The following ZNF407 variants were observed in gnomAD, a reference collection of about 807,000 sequenced individuals.
ZNF407 encodes zinc finger protein 407.
Under a neutral mutation model 131.2 loss-of-function variants are expected in ZNF407, and 17 were observed. The observed-to-expected ratio is 0.13, with a 90% CI of 0.09 to 0.19. The LOEUF (loss-of-function observed/expected upper bound fraction) is 0.19, where lower values mean the gene tolerates loss of function less well. ZNF407 is among the 10% of genes least tolerant of loss of function. The pLI is 1.00. For missense variants in ZNF407, 2,681 were observed against 2,830.6 expected, an observed-to-expected ratio of 0.95 and a Z score of 1.20; for synonymous variants, 1,156 against 1,062.0, an observed-to-expected ratio of 1.09 and a Z score of -1.72.
chr18:74,846,846 T>G (rs1255641123), intron 4 of ZNF407, among the ~76,000 whole-genome samples: 1 of 151,596 alleles, frequency 6.6e-6, no homozygotes, highest in Admixed American at 6.6e-5. Flanking sequence ...GTAGAAAAAT[T>G]AGCTGGGTGT....
chr18:74,824,900 G>A (rs1173858339), intron 4 of ZNF407, among the ~76,000 whole-genome samples: 1 of 152,128 alleles, frequency 6.6e-6, no homozygotes, highest in Non-Finnish European at 1.5e-5. Flanking sequence ...ACCTGTCAGA[G>A]ACACAACAAC....
chr18:74,728,171 G>A (rs1323317675), intron 3 of ZNF407, among the ~76,000 whole-genome samples: 1 of 152,140 alleles, frequency 6.6e-6, no homozygotes, highest in Non-Finnish European at 1.5e-5. Context: ...CAATGGGGAT[G>A]GAAAGAGAAT....
At chr18:74,947,809 AAC>A (rs1375757061) in intron 8 of ZNF407, among the ~76,000 whole-genome samples, 1 of 152,200 alleles carries the variant, frequency 6.6e-6, no homozygotes, top group Admixed American at 6.5e-5. Context: ...TCTTTCAAAG[AAC>A]AGTGGGCTTT....
chr18:74,966,789 G>T (rs776539505), intron 8 of ZNF407, among the ~76,000 whole-genome samples: 2 of 151,642 alleles, frequency 1.3e-5, no homozygotes, highest in Non-Finnish European at 2.9e-5. Context: ...TCCAATCCAT[G>T]AATGTGGAAT....
At chr18:74,862,757 C>T (rs960400441) in intron 4 of ZNF407, among the ~76,000 whole-genome samples, 1 of 152,004 alleles carries the variant, frequency 6.6e-6, no homozygotes, top group African/African-American at 2.4e-5. Context: ...GCTTTGCTTC[C>T]CTTTTTGCCA....
intron 3 of ZNF407, among the ~76,000 whole-genome samples, chr18:74,695,322 G>C (rs1967325121): frequency 6.6e-6 from 1 of 152,224 alleles, no homozygotes; most frequent in East Asian, 1.9e-4. Flanking sequence ...TTCTTGATGG[G>C]GTGCAATACC....
intron 3 of ZNF407, among the ~76,000 whole-genome samples, chr18:74,676,635 C>A (rs867880110): frequency 4.6e-5 from 7 of 151,858 alleles, no homozygotes; most frequent in Admixed American, 2.0e-4. Context: ...GGGGTTTCAC[C>A]GTGTTAGCCA....
intron 8 of ZNF407, among the ~76,000 whole-genome samples, chr18:74,961,102 A>T (rs1305581455): frequency 1.3e-5 from 2 of 151,926 alleles, no homozygotes; most frequent in African/African-American, 4.8e-5. Context: ...GGGTGGAGGG[A>T]TAGGAGAAGG....
At chr18:74,800,060 AT>A (rs1236510184) in intron 4 of ZNF407, among the ~76,000 whole-genome samples, 2 of 151,888 alleles carry the variant, frequency 1.3e-5, no homozygotes, top group Non-Finnish European at 2.9e-5. Flanking sequence ...ACAATAGAAT[AT>A]TTTTCATCTT....
At chr18:74,981,971 T>A (rs150083798) in intron 8 of ZNF407, among the ~76,000 whole-genome samples, 1 of 152,224 alleles carries the variant, frequency 6.6e-6, no homozygotes, top group Non-Finnish European at 1.5e-5. Flanking sequence ...TTCTGTTGGC[T>A]TAAAATGGGA....
At position 75,064,312 on chromosome 18, in the gene ZNF407, G is replaced by A. The variant is rs369046831; in HGVS notation, c.6591G>A (p.Gln2197=). 5.8e-5 allele frequency: 93 copies of A among 1,601,438 alleles called. No homozygotes were observed. The highest frequency in any genetic ancestry group is 4.0e-5 in the African/African-American group (3 of 74,768). ...SHTVLETADS[Q]ELLQAGATLG... ...CCGTGCTGGAGACTGCGGACTCGCAGGAACTCCTGCAGGCCGGGGCCACGC... is the reference window on the plus strand; with the variant it reads ...CCGTGCTGGAGACTGCGGACTCGCAAGAACTCCTGCAGGCCGGGGCCACGC... Residue 2197 remains glutamine, a synonymous_variant, in exon 9 of 9, where the codon CAG becomes CAA. Coordinates refer to ENST00000299687, the MANE Select transcript of ZNF407 (RefSeq NM_017757.3).
chr18:74,631,484 G>A lies in ZNF407; in HGVS notation c.465G>A (p.Gln155=), dbSNP rs376156982. Reference sequence around the variant, plus strand: ...CAGACACTGAAAAAACATCTGCTCAGGAAATGGTTTCCCTTGATCTGGAAA... The same window carrying A: ...CAGACACTGAAAAAACATCTGCTCAAGAAATGGTTTCCCTTGATCTGGAAA... ...LKTDTEKTSA[Q]EMVSLDLERE... Residue 155 remains glutamine (Q), a synonymous_variant, in exon 2 of 9, where the codon CAG becomes CAA. Coordinates refer to ENST00000299687, the MANE Select transcript of ZNF407 (RefSeq NM_017757.3). 1.7e-5 allele frequency: 27 copies of A among 1,613,974 alleles called. No homozygotes were observed. In the African/African-American group the frequency reaches 2.8e-4, roughly 17 times the overall value.
chr18:75,011,701 A>C (rs528087383), intron 8 of ZNF407, among the ~76,000 whole-genome samples: 22 of 152,290 alleles, frequency 1.4e-4, no homozygotes, highest in African/African-American at 5.3e-4. Context: ...ATCATGTCAA[A>C]ATAAGCTCTA....
At chr18:74,937,809 T>G (rs1972055302) in intron 8 of ZNF407, among the ~76,000 whole-genome samples, 1 of 152,176 alleles carries the variant, frequency 6.6e-6, no homozygotes, top group South Asian at 2.1e-4. Flanking sequence ...AAGACCAAAT[T>G]CTGAACATTA....
chr18:74,886,536 C>T (rs949593448), intron 6 of ZNF407, among the ~76,000 whole-genome samples: 2 of 152,160 alleles, frequency 1.3e-5, no homozygotes, highest in African/African-American at 2.4e-5. Context: ...AAACTTGGTA[C>T]ACCCGTATAA....
intron 3 of ZNF407, among the ~76,000 whole-genome samples, chr18:74,763,196 C>CTTTTTTTTT (rs71170316): frequency 1.1e-4 from 2 of 17,784 alleles, no homozygotes; most frequent in African/African-American, 1.5e-4. Flanking sequence ...TTCTTAGGAC[C>CTTTTTTTTT]TTTTTTTTTT....
chr18:74,601,635 A>T (rs941518584), intron 1 of ZNF407, among the ~76,000 whole-genome samples: 3 of 152,150 alleles, frequency 2.0e-5, no homozygotes, highest in Admixed American at 2.0e-4. Context: ...GGGAGCTTGC[A>T]TATCCCATGG....
At chr18:74,805,542 T>C (rs1403463255) in intron 4 of ZNF407, among the ~76,000 whole-genome samples, 2 of 152,234 alleles carry the variant, frequency 1.3e-5, no homozygotes, top group Non-Finnish European at 2.9e-5. Flanking sequence ...TCCATAATTA[T>C]CTTTTGTTTT....
intron 1 of ZNF407, among the ~76,000 whole-genome samples, chr18:74,600,931 T>G (rs932458922): frequency 6.6e-6 from 1 of 152,122 alleles, no homozygotes; most frequent in African/African-American, 2.4e-5. Context: ...GTTGGCATGG[T>G]GTAAGGCTAG....
Sources: allele counts gnomAD v4.1 joint callset (sites outside exome capture counted in the v4.1 genomes callset), GRCh38; gene constraint gnomAD v4.1.1; transcripts MANE v1.5; gene names NCBI Gene and HGNC (gene_info 2026-07-23, HGNC 2026-07-21).